Variants in ZNF670 observed in about 807,000 individuals in gnomAD.
ZNF670 encodes zinc finger protein 670.
In ZNF670, 7 loss-of-function variants were observed where a neutral mutation model predicts 10.9. That is an observed-to-expected ratio of 0.64 (90% CI 0.36 to 1.20). The LOEUF is 1.20. Ranked by LOEUF, ZNF670 falls within the 50% of genes most tolerant of loss-of-function variation. The pLI, the probability that ZNF670 is intolerant of heterozygous loss-of-function variation, is 0.02. For synonymous variants in ZNF670, 136 were observed against 152.7 expected, an observed-to-expected ratio of 0.89 and a Z score of 0.81; for missense variants, 446 against 458.6, an observed-to-expected ratio of 0.97 and a Z score of 0.25.
intron 1 of ZNF670, among the ~76,000 whole-genome samples, chr1:247,051,625 T>G (rs1670598338): frequency 6.6e-6 from 1 of 152,210 alleles, no homozygotes; most frequent in African/African-American, 2.4e-5. Flanking sequence ...TTTCCAGGTG[T>G]TGTTTGAGCT....
At position 247,064,729 on chromosome 1, in the gene ZNF670, G is replaced by A. The variant is rs146852662; in HGVS notation, c.3+13865C>T. On this transcript the variant is annotated intron_variant, in intron 1 of 3. Transcript: ENST00000366503. Reference sequence around the variant, plus strand: ...GAGCCAGACCTCTGCAATTCGGGACGAGGCTGTTGGCCCCAGGATGAAAGC... The same window carrying A: ...GAGCCAGACCTCTGCAATTCGGGACAAGGCTGTTGGCCCCAGGATGAAAGC... Among the ~76,000 whole-genome samples the A allele has an allele frequency of 2.2e-3, 337 of 152,308 alleles. 3 individuals carry two copies. The highest frequency in any genetic ancestry group is 7.5e-3 in the African/African-American group (310 of 41,570).
intron 1 of ZNF670, among the ~76,000 whole-genome samples, chr1:247,041,668 G>A (rs1485886690): frequency 6.6e-6 from 1 of 152,132 alleles, no homozygotes; most frequent in Non-Finnish European, 1.5e-5. Context: ...ATTTGCACTT[G>A]GAGATGTGGC....
chr1:247,037,755 T>G lies in ZNF670; in HGVS notation c.864A>C (p.Lys288Asn), dbSNP rs776072379. ...TGAGGACTCTGGAACATCTAAAGGCTTTGCCACATTTTATACATTCATAGG... is the reference window on the plus strand; with the variant it reads ...TGAGGACTCTGGAACATCTAAAGGCGTTGCCACATTTTATACATTCATAGG... The part of the protein sequence containing the change: ...EKPYECIKCG[K>N]AFRCSRVLRV... Residue 288 changes from lysine (K) to asparagine (N), a missense_variant, in exon 4 of 4, where the codon AAA becomes AAC. Transcript: ENST00000366503. The G allele has an allele frequency of 6.2e-7, 1 of 1,613,862 alleles. No individual in the cohort carries two copies. Among genetic ancestry groups the G allele is most frequent in the South Asian group, 1.1e-5 (1 of 91,058 alleles).
intron 1 of ZNF670, among the ~76,000 whole-genome samples, chr1:247,067,432 T>A (rs1572570802): frequency 1.0e-5 from 1 of 98,620 alleles, no homozygotes. Flanking sequence ...CAAGATCCCG[T>A]CTCAAAAAAA....
rs1670146870 is a variant in ZNF670, at chr1:247,036,247, G to C, written c.*1202C>G. Among the ~76,000 whole-genome samples the C allele has an allele frequency of 1.3e-5, 2 of 152,198 alleles. No homozygotes were observed. Among genetic ancestry groups the C allele is most frequent in the African/African-American group, 4.8e-5 (2 of 41,444 alleles). ...AAACACAAGAAAACTTCCTGAGCCT[G>C]TTTGAGAATATTTATGAAAAATCCA... On this transcript the variant is annotated 3_prime_UTR_variant, in exon 4 of 4. Coordinates refer to ENST00000366503, the MANE Select transcript of ZNF670 (RefSeq NM_033213.5).
intron 1 of ZNF670, among the ~76,000 whole-genome samples, chr1:247,072,986 A>C (rs1216109932): frequency 6.6e-6 from 1 of 151,652 alleles, no homozygotes; most frequent in East Asian, 1.9e-4. Flanking sequence ...CATGATAGTT[A>C]ATCTACAAAG....
chr1:247,070,557 A>G (rs982052989), intron 1 of ZNF670, among the ~76,000 whole-genome samples: 3 of 152,218 alleles, frequency 2.0e-5, no homozygotes, highest in African/African-American at 7.2e-5. Flanking sequence ...ACATACCATT[A>G]TGGACATAAT....
At chr1:247,077,226 T>C (rs548005918) in intron 1 of ZNF670, among the ~76,000 whole-genome samples, 6 of 152,178 alleles carry the variant, frequency 3.9e-5, no homozygotes, top group Non-Finnish European at 8.8e-5. Flanking sequence ...ACGAAGAGTA[T>C]ACTAGGAGAC....
At chr1:247,068,299 AC>A (rs1352233762) in intron 1 of ZNF670, among the ~76,000 whole-genome samples, 1 of 133,590 alleles carries the variant, frequency 7.5e-6, no homozygotes, top group Non-Finnish European at 1.6e-5. Flanking sequence ...AGCCTAGGTG[AC>A]AGAGTAAGAT....
In ZNF670 at chr1:247,035,645, A is replaced by G. The variant is rs1346400530; in HGVS notation, c.*1804T>C. Reference sequence around the variant, plus strand: ...AACTTACAAAACTGTACTATACCACATATTATATAGCTACTTATACACATA... The same window carrying G: ...AACTTACAAAACTGTACTATACCACGTATTATATAGCTACTTATACACATA... On this transcript the variant is annotated 3_prime_UTR_variant, in exon 4 of 4. Transcript: ENST00000366503. 6.6e-6 allele frequency among the ~76,000 whole-genome samples: 1 copy of G among 152,242 alleles called. No homozygotes were observed. Among genetic ancestry groups the G allele is most frequent in the Non-Finnish European group, 1.5e-5 (1 of 68,040 alleles).
At chr1:247,042,602 G>A (rs919399920) in intron 1 of ZNF670, among the ~76,000 whole-genome samples, 5 of 152,220 alleles carry the variant, frequency 3.3e-5, no homozygotes, top group African/African-American at 1.2e-4. Context: ...CCAAAACCCA[G>A]AGAGAGCACC....
In ZNF670 at chr1:247,042,882, A is replaced by T. The variant is rs890265743; in HGVS notation, c.4-3345T>A. The T allele has an allele frequency of 6.1e-5, 39 of 642,626 alleles. No individual in the cohort carries two copies. In the Admixed American group the frequency reaches 8.0e-4, roughly 13 times the overall value. The allele number at this position is 642,626 out of a possible 1,614,324, so 39.8% of individuals were successfully genotyped here. On this transcript the variant is annotated intron_variant, in intron 1 of 3. Coordinates refer to ENST00000366503, the MANE Select transcript of ZNF670 (RefSeq NM_033213.5). ...TATTCTCTGTACTGTAACTGGCTCA[A>T]CTACAGCAGAGTGATAAAGAATTAC...
intron 1 of ZNF670, among the ~76,000 whole-genome samples, chr1:247,040,798 C>T (rs945665209): frequency 3.3e-5 from 5 of 152,190 alleles, no homozygotes; most frequent in South Asian, 4.1e-4. Flanking sequence ...CAGGTTCAAG[C>T]GATTCTCCTG....
intron 1 of ZNF670, among the ~76,000 whole-genome samples, chr1:247,065,393 A>C (rs934574574): frequency 3.3e-5 from 5 of 152,218 alleles, no homozygotes; most frequent in Non-Finnish European, 5.9e-5. Flanking sequence ...AGAAAACCTA[A>C]GGAGTTAACT....
Position 247,038,388 on chromosome 1 carries a change from G to T in ZNF670, c.231C>A (p.Gly77=). 1 of 1,612,818 alleles carries T rather than the reference G, an allele frequency of 6.2e-7. No homozygotes were observed. Among genetic ancestry groups the T allele is most frequent in the East Asian group, 2.2e-5 (1 of 44,876 alleles). Residue 77 remains glycine, a synonymous_variant, in exon 4 of 4, where the codon GGC becomes GGA. Transcript: ENST00000366503. ...GGCTGAAGGTTTCTCCATATTGACTGCCTTCTTTAATTTCAAACAGTCTCT... is the reference window on the plus strand; with the variant it reads ...GGCTGAAGGTTTCTCCATATTGACTTCCTTCTTTAATTTCAAACAGTCTCT... ...VVERLFEIKE[G]SQYGETFSQD...
chr1:247,073,076 G>A (rs1414229003), intron 1 of ZNF670, among the ~76,000 whole-genome samples: 1 of 151,824 alleles, frequency 6.6e-6, no homozygotes, highest in African/African-American at 2.4e-5. Context: ...ACTGCACAAG[G>A]TCTGTTTATT....
At position 247,039,392 on chromosome 1, in the gene ZNF670, T is replaced by G; in HGVS notation, c.130+19A>C. 6.2e-7 allele frequency: 1 copy of G among 1,601,948 alleles called. No homozygotes were observed. The highest frequency in any genetic ancestry group is 1.4e-5 in the African/African-American group (1 of 73,846). The stretch of plus-strand genomic sequence containing the variant: ...CTTGCGTTGTAATCAACTACGTGAA[T>G]AAGTGTTGTTATTCTTACCTACAGA... On this transcript the variant is annotated intron_variant, in intron 2 of 3. Coordinates refer to ENST00000366503, the MANE Select transcript of ZNF670 (RefSeq NM_033213.5).
chr1:247,043,529 C>T (rs556991191), intron 1 of ZNF670: 13 of 669,382 alleles, frequency 1.9e-5, no homozygotes, highest in Non-Finnish European at 3.5e-5. Flanking sequence ...AGCCCTTGTT[C>T]CTGAAACAAT....
rs1282694153 is a variant in ZNF670, at chr1:247,035,665, C to G, written c.*1784G>C. On this transcript the variant is annotated 3_prime_UTR_variant, in exon 4 of 4. Transcript: ENST00000366503. The stretch of plus-strand genomic sequence containing the variant: ...ACCACATATTATATAGCTACTTATA[C>G]ACATATAAGTATACATGTAGACATG... 6.6e-6 allele frequency among the ~76,000 whole-genome samples: 1 copy of G among 152,102 alleles called. No individual in the cohort carries two copies. Among genetic ancestry groups the G allele is most frequent in the Non-Finnish European group, 1.5e-5 (1 of 68,022 alleles).
Sources: gnomAD v4.1 joint callset for allele counts (sites outside exome capture counted in the v4.1 genomes callset) on GRCh38, gnomAD v4.1.1 for gene constraint, MANE v1.5 for transcripts, NCBI Gene and HGNC (gene_info 2026-07-23, HGNC 2026-07-21) for gene names.